Variants in STOX2 observed in about 807,000 individuals in gnomAD.
STOX2 encodes the protein storkhead box 2, also known as storkhead-box protein 2.
A neutral mutation model predicts 60.9 loss-of-function variants in STOX2; 28 were observed. The ratio of observed to expected loss-of-function variants is 0.46; its 90% CI spans 0.34 to 0.63. STOX2 has a LOEUF of 0.63. STOX2 is among the 30% of genes least tolerant of loss of function. The probability of loss-of-function intolerance (pLI) is 0.01; values close to 1 mark genes in which losing one functional copy is unlikely to be tolerated. For missense variants in STOX2, 1,024 were observed against 1,187.7 expected (o/e 0.86, Z 2.03); for synonymous variants, 472 against 463.9 (o/e 1.02, Z -0.22).
At chr4:183,887,241 G>A (rs1364764191) in intron 1 of STOX2, among the ~76,000 whole-genome samples, 2 of 150,760 alleles carry the variant, frequency 1.3e-5, no homozygotes, top group Non-Finnish European at 2.9e-5. Flanking sequence ...TCCAGCCTGG[G>A]CAACAAGAAT....
chr4:183,939,354 C>G (rs905831542), intron 1 of STOX2, among the ~76,000 whole-genome samples: 6 of 152,220 alleles, frequency 3.9e-5, no homozygotes, highest in Non-Finnish European at 7.3e-5. Context: ...GTGTCTGCCT[C>G]TGTCTTCACA....
Position 183,970,181 on chromosome 4 carries a change from T to TGTGTGG in STOX2, c.167-31143_167-31142insTGTGGG, listed in dbSNP as rs779582388. Among the ~76,000 whole-genome samples, 711 of 136,450 alleles carry TGTGTGG rather than the reference T, an allele frequency of 5.2e-3. 6 individuals are homozygous for TGTGTGG. Among genetic ancestry groups the TGTGTGG allele is most frequent in the African/African-American group, 0.015 (539 of 35,274 alleles). 89.5% of individuals were successfully genotyped at this position (136,450 alleles called of 152,430 possible). On this transcript the variant is annotated intron_variant, in intron 1 of 3. Coordinates refer to ENST00000308497, the MANE Select transcript of STOX2 (RefSeq NM_020225.3). Reference sequence around the variant, plus strand: ...GTGTGTGTGTGTGTGTGTGTGTGTGTGGGGTTCCAGCTGAATTTTCTGTCC... The same window carrying TGTGTGG: ...GTGTGTGTGTGTGTGTGTGTGTGTGTGTGTGGGGGGTTCCAGCTGAATTTTCTGTCC...
At chr4:183,844,382 A>C (rs1579326802) in intron 1 of STOX2, among the ~76,000 whole-genome samples, 1 of 152,310 alleles carries the variant, frequency 6.6e-6, no homozygotes, top group East Asian at 1.9e-4. Flanking sequence ...GATTTATTTT[A>C]CTATAAAATT....
Position 183,856,228 on chromosome 4 carries a change from T to A in STOX2, c.364+58173T>A, listed in dbSNP as rs1448152538. ...ATAGGACCCAAGAGTCCAGAAAGGC[T>A]CACGGCCCCTTTCACACATGTCGAC... is the stretch of plus-strand genomic sequence containing the variant. On this transcript the variant is annotated intron_variant, in intron 1 of 2. Coordinates refer to the STOX2 transcript ENST00000513034. This position sits in a 1 kb window ranked among gnomAD's most constrained non-coding sequence, Gnocchi z 4.0. Among the ~76,000 whole-genome samples the A allele has an allele frequency of 6.6e-6, 1 of 152,062 alleles. No homozygotes were observed. The highest frequency in any genetic ancestry group is 2.4e-5 in the African/African-American group (1 of 41,390).
intron 1 of STOX2, among the ~76,000 whole-genome samples, chr4:183,831,103 T>C (rs1261165729): frequency 6.6e-6 from 1 of 151,612 alleles, no homozygotes; most frequent in Non-Finnish European, 1.5e-5. Context: ...TTGGCTTTTC[T>C]CCTTCCTGGT....
intron 3 of STOX2, among the ~76,000 whole-genome samples, chr4:184,012,815 A>G (rs1432249026): frequency 6.6e-6 from 1 of 152,160 alleles, no homozygotes; most frequent in Non-Finnish European, 1.5e-5. Flanking sequence ...CTTTTCTAAG[A>G]AATCATTTTT....
intron 1 of STOX2, among the ~76,000 whole-genome samples, chr4:183,995,987 A>G (rs556079598): frequency 4.9e-4 from 75 of 152,334 alleles, no homozygotes; most frequent in South Asian, 3.5e-3. Flanking sequence ...TCAGCCGACA[A>G]TGACCTCACA....
chr4:183,807,402 G>A (rs1738928351), intron 1 of STOX2, among the ~76,000 whole-genome samples: 1 of 152,212 alleles, frequency 6.6e-6, no homozygotes, highest in African/African-American at 2.4e-5. Flanking sequence ...TGACCCCTTT[G>A]GGATGCTTTC....
chr4:183,838,724 C>T (rs1739774905), intron 1 of STOX2, among the ~76,000 whole-genome samples: 1 of 152,170 alleles, frequency 6.6e-6, no homozygotes, highest in Non-Finnish European at 1.5e-5. Context: ...CTCTGCAGCC[C>T]CCACTTGGGG....
chr4:183,989,003 C>G (rs1397219715), intron 1 of STOX2, among the ~76,000 whole-genome samples: 1 of 152,170 alleles, frequency 6.6e-6, no homozygotes, highest in Non-Finnish European at 1.5e-5. Flanking sequence ...ACGACCTCAC[C>G]AGCCCAGGTC....
At chr4:183,957,944 T>G (rs1743299454) in intron 1 of STOX2, among the ~76,000 whole-genome samples, 1 of 151,146 alleles carries the variant, frequency 6.6e-6, no homozygotes, top group African/African-American at 2.4e-5. Context: ...AGAATGGTAT[T>G]TAGAACCCAC....
chr4:184,021,805 C>T lies in STOX2; in HGVS notation c.*4521C>T, dbSNP rs1734602487. ...GAGCTGATCCAGTTCTAAGTGTCTTCTCGAATTAGGAGATAGATGATCTTT... is the reference window on the plus strand; with the variant it reads ...GAGCTGATCCAGTTCTAAGTGTCTTTTCGAATTAGGAGATAGATGATCTTT... On this transcript the variant is annotated 3_prime_UTR_variant, in exon 4 of 4. Coordinates refer to ENST00000308497, the MANE Select transcript of STOX2 (RefSeq NM_020225.3). 1 of 152,236 alleles carries T rather than the reference C, an allele frequency of 6.6e-6. No individual in the cohort carries two copies. The highest frequency in any genetic ancestry group is 2.1e-4 in the South Asian group (1 of 4,828). 9.4% of individuals were successfully genotyped at this position (152,236 alleles called of 1,614,324 possible).
intron 1 of STOX2, among the ~76,000 whole-genome samples, chr4:183,850,985 AGAAAGGATGAGG>A (rs1740111186): frequency 7.9e-6 from 1 of 126,118 alleles, no homozygotes; most frequent in Non-Finnish European, 1.8e-5. Flanking sequence ...GGAAACGATG[AGAAAGGATGAGG>A]GAAAGGATGA....
chr4:183,925,879 C>T (rs57038018), intron 1 of STOX2, among the ~76,000 whole-genome samples: 1,906 of 151,704 alleles, frequency 0.013, 22 homozygotes, highest in African/African-American at 0.026. Flanking sequence ...TATTTGAAAA[C>T]AGGGTTTTTT....
At chr4:183,932,399 A>AT (rs1259135957) in intron 1 of STOX2, among the ~76,000 whole-genome samples, 3 of 13,860 alleles carry the variant, frequency 2.2e-4, no homozygotes, top group African/African-American at 4.2e-4. Flanking sequence ...GTATACATAC[A>AT]GTATATGTAT....
chr4:183,936,044 A>T (rs968030867), intron 1 of STOX2, among the ~76,000 whole-genome samples: 1 of 152,254 alleles, frequency 6.6e-6, no homozygotes, highest in African/African-American at 2.4e-5. Flanking sequence ...TCTTTAAATG[A>T]CAAAAGAAAT....
At chr4:183,962,323 C>T (rs534498053) in intron 1 of STOX2, among the ~76,000 whole-genome samples, 7 of 150,534 alleles carry the variant, frequency 4.7e-5, no homozygotes, top group Non-Finnish European at 1.0e-4. Context: ...ATATAGTAAT[C>T]GTTTTTCTTA....
intron 1 of STOX2, among the ~76,000 whole-genome samples, chr4:183,911,182 T>G: frequency 6.6e-6 from 1 of 152,342 alleles, no homozygotes; most frequent in African/African-American, 2.4e-5. Context: ...CCTCTTCTAC[T>G]TTTTGGAGTC....
At chr4:183,846,239 A>G (rs1350933384) in intron 1 of STOX2, among the ~76,000 whole-genome samples, 1 of 151,992 alleles carries the variant, frequency 6.6e-6, no homozygotes, top group East Asian at 1.9e-4. Context: ...CTCTTTTTGT[A>G]TTTCGACAGT....
Sources: allele counts gnomAD v4.1 joint callset (sites outside exome capture counted in the v4.1 genomes callset), GRCh38; gene constraint gnomAD v4.1.1; non-coding constraint Gnocchi (gnomAD v3.1); transcripts MANE v1.5; gene names NCBI Gene and HGNC (gene_info 2026-07-23, HGNC 2026-07-21).